Variants in PCMTD2 observed in about 807,000 individuals in gnomAD.
The protein encoded by PCMTD2 is protein-L-isoaspartate (D-aspartate) O-methyltransferase domain containing 2.
PCMTD2 carries 16 observed loss-of-function variants against 33.4 expected under a neutral mutation model. That is an observed-to-expected ratio of 0.48 (90% CI 0.32 to 0.73). The LOEUF is 0.73. Ranked by LOEUF, PCMTD2 falls within the 30% of genes least tolerant of loss-of-function variation. The pLI is 0.03. For synonymous variants in PCMTD2, 161 were observed against 160.8 expected (o/e 1.00, Z -0.01); for missense variants, 374 against 449.9 (o/e 0.83, Z 1.53).
Position 64,273,743 on chromosome 20 carries a change from C to G in PCMTD2, c.*143C>G. ...GGCTCATCCACACCATGGTTTTCTT[C>G]TAGTTCCTGATTGACCTCTAAAATT... is the stretch of plus-strand genomic sequence containing the variant. On this transcript the variant is annotated 3_prime_UTR_variant, in exon 6 of 6. Coordinates refer to ENST00000308824, the MANE Select transcript of PCMTD2 (RefSeq NM_018257.3). The G allele has an allele frequency of 1.7e-6, 1 of 584,902 alleles. No homozygotes were observed. The allele number at this position is 584,902 out of a possible 1,614,324, so 36.2% of individuals were successfully genotyped here.
rs144264619 is a variant in PCMTD2, at chr20:64,273,362, G to A, written c.848G>A (p.Arg283His). 2.8e-4 allele frequency: 455 copies of A among 1,614,012 alleles called. No homozygotes were observed. The highest frequency in any genetic ancestry group is 3.7e-4 in the Non-Finnish European group (437 of 1,179,992). ...CCCAGGTTTAAACGAAGGAGAGTTC[G>A]CCGCCGTCGAATGGAAACGATTGTC... ...NTPRFKRRRV[R>H]RRRMETIVFL... is the part of the protein sequence containing the mutation. Residue 283 changes from arginine (R) to histidine (H), a missense_variant, in exon 6 of 6, where the codon CGC becomes CAC. By Grantham distance (29) the Arg-to-His change is conservative (BLOSUM62 0). Transcript: ENST00000308824.
rs1228608470 is a variant in PCMTD2, at chr20:64,275,598, T to G, written c.*1998T>G. On this transcript the variant is annotated 3_prime_UTR_variant, in exon 6 of 6. Transcript: ENST00000308824. The stretch of plus-strand genomic sequence containing the variant: ...TGGTTTAAAAAAAATCTGGTGGTAA[T>G]ATATGTGAGAAATACTTTGGTGTTT... 2.6e-5 allele frequency: 4 copies of G among 152,210 alleles called. No homozygotes were observed. Among genetic ancestry groups the G allele is most frequent in the African/African-American group, 9.6e-5 (4 of 41,452 alleles). The allele number at this position is 152,210 out of a possible 1,614,324, so 9.4% of individuals were successfully genotyped here. A position where few individuals can be genotyped will look rare whatever the true frequency, so the allele number is the denominator to read the frequency against.
At position 64,275,068 on chromosome 20, in the gene PCMTD2, G is replaced by C. The variant is rs527534520; in HGVS notation, c.*1468G>C. The C allele has an allele frequency of 9.2e-5, 14 of 152,012 alleles. No individual in the cohort carries two copies. Among genetic ancestry groups the C allele is most frequent in the Non-Finnish European group, 2.1e-4 (14 of 67,988 alleles). The allele number at this position is 152,012 out of a possible 1,614,324, so 9.4% of individuals were successfully genotyped here. On this transcript the variant is annotated 3_prime_UTR_variant, in exon 6 of 6. Transcript: ENST00000308824. ...CTTAGCTTGAGCTCTGGTTATTTTGGATCTTTTCTGCTTTTTTTAAGTAAC... is the reference window on the plus strand; with the variant it reads ...CTTAGCTTGAGCTCTGGTTATTTTGCATCTTTTCTGCTTTTTTTAAGTAAC...
chr20:64,271,557 C>G (rs1201317617), intron 5 of PCMTD2: 3 of 152,582 alleles, frequency 2.0e-5, no homozygotes, highest in Non-Finnish European at 4.4e-5. Context: ...GCTCAGGATT[C>G]TGGTCCGGAC....
chr20:64,272,367 G>T, intron 5 of PCMTD2: 1 of 296,678 alleles, frequency 3.4e-6, no homozygotes, highest in Non-Finnish European at 7.1e-6. Flanking sequence ...AATGTTGCCT[G>T]CATGAAATCG....
chr20:64,258,959 T>C (rs989970135), intron 1 of PCMTD2: 1 of 152,258 alleles, frequency 6.6e-6, no homozygotes, highest in Admixed American at 6.5e-5. Flanking sequence ...AGTGTTTTCT[T>C]GTGAATTAGC....
In PCMTD2 at chr20:64,276,123, G is replaced by T. The variant is rs1157645151; in HGVS notation, c.*2523G>T. ...CCTTTTTTCTTTATTAACATCATGT[G>T]TTTACTTTCAGCAAATATTTGTATT... On this transcript the variant is annotated 3_prime_UTR_variant, in exon 6 of 6. Transcript: ENST00000308824. The T allele has an allele frequency of 6.6e-6, 1 of 152,100 alleles. No individual in the cohort carries two copies. Among genetic ancestry groups the T allele is most frequent in the Non-Finnish European group, 1.5e-5 (1 of 68,006 alleles). The allele number at this position is 152,100 out of a possible 1,614,324, so 9.4% of individuals were successfully genotyped here.
At chr20:64,273,165 GTTGT>G (rs1198199462) in intron 5 of PCMTD2, 52 bp from the exon 6 acceptor site, 2 of 1,490,268 alleles carry the variant, frequency 1.3e-6, no homozygotes, top group Non-Finnish European at 1.8e-6. Context: ...GTGTGTAGGC[GTTGT>G]GGTGGTGTCA....
chr20:64,267,778 T>G, intron 4 of PCMTD2, 109 bp from the exon 5 acceptor site: 1 of 928,602 alleles, frequency 1.1e-6, no homozygotes, highest in Non-Finnish European at 1.6e-6. Context: ...AGATATTTCA[T>G]TTTATTGTAA....
chr20:64,260,534 G>A (rs6062683), intron 2 of PCMTD2, among the ~76,000 whole-genome samples: 65,360 of 151,772 alleles, frequency 0.43, 14,630 homozygotes, highest in Middle Eastern at 0.49. Flanking sequence ...CCTGTACTGC[G>A]CACCTGCCCT....
chr20:64,270,066 G>T (rs1336580344), intron 5 of PCMTD2, among the ~76,000 whole-genome samples: 1 of 148,554 alleles, frequency 6.7e-6, no homozygotes, highest in Admixed American at 6.7e-5. Context: ...GGTCTTGTGA[G>T]TGCGGGCGTG....
At chr20:64,263,627 T>A (rs903525795) in intron 2 of PCMTD2, among the ~76,000 whole-genome samples, 12 of 152,208 alleles carry the variant, frequency 7.9e-5, no homozygotes. Flanking sequence ...GGTGGACTTT[T>A]ACATATGCAT....
At position 64,273,571 on chromosome 20, in the gene PCMTD2, T is replaced by C. The variant is rs1330867847; in HGVS notation, c.1057T>C (p.Tyr353His). Reference sequence around the variant, plus strand: ...CCTCCCTCTGCCAGATCCCCTGAAATACTACTTGCTTTATTACAGAGAAAA... The same window carrying C: ...CCTCCCTCTGCCAGATCCCCTGAAACACTACTTGCTTTATTACAGAGAAAA... ...LSLPLPDPLKYYLLYYREK is the reference protein window; with the variant it reads ...LSLPLPDPLKHYLLYYREK Residue 353 changes from tyrosine to histidine, a missense_variant, in exon 6 of 6, where the codon TAC (tyrosine) becomes CAC (histidine). Transcript: ENST00000308824. 2.6e-6 allele frequency: 4 copies of C among 1,526,494 alleles called. No homozygotes were observed. Among genetic ancestry groups the C allele is most frequent in the Non-Finnish European group, 2.6e-6 (3 of 1,141,226 alleles). 94.6% of individuals were successfully genotyped at this position (1,526,494 alleles called of 1,614,324 possible).
At chr20:64,259,846 GA>G in intron 1 of PCMTD2, 95 bp from the exon 2 acceptor site, 1 of 630,594 alleles carries the variant, frequency 1.6e-6, no homozygotes. Context: ...ATTATTTTCA[GA>G]ATTCAGAATT....
Position 64,255,875 on chromosome 20 carries a change from A to AGCCGCC in PCMTD2, c.-25+21_-25+26dup, listed in dbSNP as rs530166198. The AGCCGCC allele has an allele frequency of 4.2e-4, 60 of 143,206 alleles. 1 individual carries two copies. Among genetic ancestry groups the AGCCGCC allele is most frequent in the Middle Eastern group, 3.4e-3 (1 of 290 alleles). 8.9% of individuals were successfully genotyped at this position (143,206 alleles called of 1,614,324 possible). A position where few individuals can be genotyped will look rare whatever the true frequency, so the allele number is the denominator to read the frequency against. On this transcript the variant is annotated splice_donor_region_variant and intron_variant, in intron 1 of 5. Transcript: ENST00000308824. ...GTCGGCCGGCCGAGCCTGGAGGTAGAGCCGCCGCCGCCGCCGCCGCCCCTC... is the reference window on the plus strand; with the variant it reads ...GTCGGCCGGCCGAGCCTGGAGGTAGAGCCGCCGCCGCCGCCGCCGCCGCCGCCCCTC...
chr20:64,260,543 C>T (rs2145755066), intron 2 of PCMTD2, among the ~76,000 whole-genome samples: 1 of 152,122 alleles, frequency 6.6e-6, no homozygotes, highest in East Asian at 1.9e-4. Context: ...CGCACCTGCC[C>T]TCTGGACAGC....
At chr20:64,260,533 C>T (rs539115999) in intron 2 of PCMTD2, among the ~76,000 whole-genome samples, 2 of 152,222 alleles carry the variant, frequency 1.3e-5, no homozygotes, top group African/African-American at 2.4e-5. Flanking sequence ...GCCTGTACTG[C>T]GCACCTGCCC....
chr20:64,269,034 A>G (rs1249442068), intron 5 of PCMTD2, among the ~76,000 whole-genome samples: 1 of 152,236 alleles, frequency 6.6e-6, no homozygotes, highest in Non-Finnish European at 1.5e-5. Flanking sequence ...ACATAAATCA[A>G]AATGCGTGTT....
At chr20:64,262,136 C>T (rs1985445017) in intron 2 of PCMTD2, among the ~76,000 whole-genome samples, 1 of 152,040 alleles carries the variant, frequency 6.6e-6, no homozygotes, top group African/African-American at 2.4e-5. Flanking sequence ...CACCTATAAT[C>T]CCAGCTACTC....
Sources: allele counts gnomAD v4.1 joint callset (sites outside exome capture counted in the v4.1 genomes callset), GRCh38; gene constraint gnomAD v4.1.1; transcripts MANE v1.5; gene names NCBI Gene and HGNC (gene_info 2026-07-23, HGNC 2026-07-21).